Variants in JSRP1 observed in about 807,000 individuals in gnomAD.
The protein encoded by JSRP1 is 2310032K21Rik.
A neutral mutation model predicts 21.4 loss-of-function variants in JSRP1; 29 were observed. The ratio of observed to expected loss-of-function variants is 1.36; its 90% CI spans 1.01 to 1.85. JSRP1 has a LOEUF of 1.85. Among genes scored for constraint, JSRP1 ranks in the 40% most tolerant of loss-of-function variants. The pLI, the probability that JSRP1 is intolerant of heterozygous loss-of-function variation, is 0.00. For synonymous variants in JSRP1, 221 were observed against 206.1 expected (o/e 1.07, Z -0.62); for missense variants, 531 against 461.5 (o/e 1.15, Z -1.38).
Position 2,253,874 on chromosome 19 carries a change from G to A in JSRP1, c.263-81C>T, listed in dbSNP as rs2025108045. On this transcript the variant is annotated intron_variant, in intron 4 of 6. Transcript: ENST00000300961. Reference sequence around the variant, plus strand: ...CCCGGGCGCAGGGGACAAGAGACAGGCCTGTGCCCTGAACCCGGCTCTCTC... The same window carrying A: ...CCCGGGCGCAGGGGACAAGAGACAGACCTGTGCCCTGAACCCGGCTCTCTC... The A allele has an allele frequency of 4.5e-6, 6 of 1,320,426 alleles. No individual in the cohort carries two copies. The African/African-American group carries it at 6.3e-5, about 14-fold the overall frequency. 81.8% of individuals were successfully genotyped at this position (1,320,426 alleles called of 1,614,324 possible).
intron 4 of JSRP1, 48 bp downstream of exon 4, chr19:2,254,139 C>G (rs373713111): frequency 2.1e-5 from 30 of 1,411,580 alleles, no homozygotes; most frequent in Non-Finnish European, 2.9e-5. Flanking sequence ...GAGCCTCACA[C>G]CAGTCCGTTC....
chr19:2,254,542 C>A, intron 2 of JSRP1, 60 bp from the exon 3 acceptor site: 1 of 1,594,206 alleles, frequency 6.3e-7, no homozygotes, highest in Non-Finnish European at 8.6e-7. Flanking sequence ...CCACCCTCTC[C>A]CCTGGCCCTG....
chr19:2,254,136 A>T, intron 4 of JSRP1, 51 bp downstream of exon 4: 1 of 1,385,784 alleles, frequency 7.2e-7, no homozygotes, highest in Non-Finnish European at 9.9e-7. Flanking sequence ...CCTGAGCCTC[A>T]CACCAGTCCG....
At position 2,252,803 on chromosome 19, in the gene JSRP1, G is replaced by T. The variant is rs1193791483; in HGVS notation, c.529-7C>A. The T allele has an allele frequency of 1.9e-6, 3 of 1,609,174 alleles. No individual in the cohort carries two copies. Among genetic ancestry groups the T allele is most frequent in the Admixed American group, 1.7e-5 (1 of 59,456 alleles). The stretch of plus-strand genomic sequence containing the variant: ...CCTGGGCCTCGAACTTAGGCTGCAA[G>T]ACAGAGTGGGGTCCTGGGGTAAGCG... On this transcript the variant is annotated splice_region_variant and splice_polypyrimidine_tract_variant and intron_variant, in intron 6 of 6. Transcript: ENST00000300961.
At chr19:2,254,516 G>A in intron 2 of JSRP1, 34 bp from the exon 3 acceptor site, 1 of 1,611,438 alleles carries the variant, frequency 6.2e-7, no homozygotes, top group Non-Finnish European at 8.5e-7. Context: ...AGGTTGTGGG[G>A]ACCCCCAGGC....
At position 2,252,402 on chromosome 19, in the gene JSRP1, G is replaced by A. The variant is rs1394411295; in HGVS notation, c.923C>T (p.Ser308Phe). Residue 308 changes from serine (S) to phenylalanine (F), a missense_variant, in exon 7 of 7, where the codon TCC becomes TTC. Transcript: ENST00000300961. ...CTGCTCCTCGTCGGGACGCCTCGGG[G>A]ACACCCAGGCCTGCTTCTTCCTGGG... ...AEPRKKQAWV[S>F]PRRPDEEQRP... is the part of the protein sequence containing the mutation. The A allele has an allele frequency of 1.2e-6, 2 of 1,603,474 alleles. No individual in the cohort carries two copies. The highest frequency in any genetic ancestry group is 4.5e-5 in the East Asian group (2 of 44,588).
At chr19:2,254,387 G>A in intron 3 of JSRP1, 58 bp downstream of exon 3, 2 of 1,608,790 alleles carry the variant, frequency 1.2e-6, no homozygotes, top group Non-Finnish European at 1.7e-6. Context: ...CCCTTGGTCG[G>A]CTTGTCCCCA....
chr19:2,255,334 C>A lies in JSRP1; in HGVS notation c.-20G>T. 6.4e-7 allele frequency: 1 copy of A among 1,559,592 alleles called. No individual in the cohort carries two copies. Among genetic ancestry groups the A allele is most frequent in the African/African-American group, 1.4e-5 (1 of 73,360 alleles). ...GGACATGGCTGGAGCAGCAGCAGGT[C>A]CCAGGCCAGGCTGGGAGGGGTGGGG... On this transcript the variant is annotated 5_prime_UTR_variant, in exon 2 of 7. Transcript: ENST00000300961.
Position 2,252,917 on chromosome 19 carries a change from G to A in JSRP1, c.523C>T (p.Pro175Ser), listed in dbSNP as rs761087462. Reference sequence around the variant, plus strand: ...CAGTGGAAGGAAGCTCTTACCAGGGGCGACGATGGCTCCCTCGGGGCTGAG... The same window carrying A: ...CAGTGGAAGGAAGCTCTTACCAGGGACGACGATGGCTCCCTCGGGGCTGAG... Reference protein sequence around the residue: ...PSSAPREPSSPLPKFEAQAPP... With the variant: ...PSSAPREPSSSLPKFEAQAPP... The change falls in exon 6 of 7, where the codon CCC (proline) becomes TCC (serine). Residue 175 changes from proline (P) to serine (S), a missense_variant. By Grantham distance (74) the Pro-to-Ser change is moderately conservative. Transcript: ENST00000300961. 8 of 1,609,520 alleles carry A rather than the reference G, an allele frequency of 5.0e-6. No homozygotes were observed. The highest frequency in any genetic ancestry group is 1.7e-4 in the Middle Eastern group (1 of 6,030).
chr19:2,254,379 C>T, intron 3 of JSRP1, 66 bp downstream of exon 3: 1 of 1,607,962 alleles, frequency 6.2e-7, no homozygotes. Flanking sequence ...ACCTGCCTCC[C>T]TTGGTCGGCT....
At position 2,252,300 on chromosome 19, in the gene JSRP1, G is replaced by A; in HGVS notation, c.*29C>T. 3.5e-6 allele frequency: 5 copies of A among 1,431,136 alleles called. No individual in the cohort carries two copies. Among genetic ancestry groups the A allele is most frequent in the Non-Finnish European group, 4.6e-6 (5 of 1,093,564 alleles). 88.7% of individuals were successfully genotyped at this position (1,431,136 alleles called of 1,614,324 possible). A position where few individuals can be genotyped will look rare whatever the true frequency, so the allele number is the denominator to read the frequency against. On this transcript the variant is annotated 3_prime_UTR_variant, in exon 7 of 7. Transcript: ENST00000300961. ...GCCAGAGTCGCGGGGCGTCCAGAAG[G>A]GGCCCCTGGACTCCGGCGCGGGGCC...
rs780016858 is a variant in JSRP1 at position 2,255,205 on chromosome 19, C to T, written c.109+1G>A. ...TCCTCCCGCCAGCGCCACAAGGGTA[C>T]CTGAAGCCCTGTCCTCCTGGGTCTC... On this transcript the variant is annotated splice_donor_variant, in intron 2 of 6. Coordinates refer to ENST00000300961, the MANE Select transcript of JSRP1 (RefSeq NM_144616.4). LOFTEE classifies it high-confidence loss of function. 4.4e-6 allele frequency: 7 copies of T among 1,588,458 alleles called. No homozygotes were observed. The highest frequency in any genetic ancestry group is 6.0e-6 in the Non-Finnish European group (7 of 1,162,924).
intron 6 of JSRP1, 47 bp from the exon 7 acceptor site, chr19:2,252,843 G>T: frequency 6.3e-7 from 1 of 1,595,166 alleles, no homozygotes; most frequent in Non-Finnish European, 8.6e-7. Flanking sequence ...CCTTCCCCCC[G>T]GCCCGGGCTC....
At chr19:2,253,915 C>T in intron 4 of JSRP1, 122 bp from the exon 5 acceptor site, 1 of 1,181,014 alleles carries the variant, frequency 8.5e-7, no homozygotes, top group Admixed American at 3.7e-5. Flanking sequence ...GCCTGTGCGG[C>T]CCCGGGCGCA....
At chr19:2,253,887 A>G (rs917183220) in intron 4 of JSRP1, 94 bp from the exon 5 acceptor site, 3 of 1,295,978 alleles carry the variant, frequency 2.3e-6, no homozygotes, top group Admixed American at 3.7e-5. Flanking sequence ...TGTGCCCTGA[A>G]CCCGGCTCTC....
chr19:2,254,459 C>G lies in JSRP1; in HGVS notation c.133G>C (p.Gly45Arg), dbSNP rs35121757. Residue 45 changes from glycine (G) to arginine (R), a missense_variant, in exon 3 of 7, where the codon GGC (glycine) becomes CGC (arginine). Gly to Arg is a moderately radical substitution (Grantham distance 125). Transcript: ENST00000300961. ...ASATPRLADS[G>R]SVPHDSQVAE... is the part of the protein sequence containing the mutation. Reference sequence around the variant, plus strand: ...CAGCTACTCACGTGGGGCACGCTGCCGGAGTCGGCCAGCCTGGGTGTCGCT... The same window carrying G: ...CAGCTACTCACGTGGGGCACGCTGCGGGAGTCGGCCAGCCTGGGTGTCGCT... 2.5e-6 allele frequency: 4 copies of G among 1,612,802 alleles called. No homozygotes were observed. Among genetic ancestry groups the G allele is most frequent in the Non-Finnish European group, 3.4e-6 (4 of 1,179,948 alleles).
rs1476687736 is a variant in JSRP1, at chr19:2,253,087, C to T, written c.437-84G>A. On this transcript the variant is annotated intron_variant, in intron 5 of 6. Transcript: ENST00000300961. ...ATCCCTCCCTCACCCCTAGAGCCCC[C>T]CTCCCTGGACAGTTGGAGTGGGGCT... is the stretch of plus-strand genomic sequence containing the variant. 5.2e-6 allele frequency: 5 copies of T among 956,830 alleles called. No individual in the cohort carries two copies. In the Admixed American group the frequency reaches 1.2e-4, roughly 22 times the overall value. 59.3% of individuals were successfully genotyped at this position (956,830 alleles called of 1,614,324 possible).
chr19:2,253,600 T>G lies in JSRP1; in HGVS notation c.436+20A>C. The stretch of plus-strand genomic sequence containing the variant: ...AGGTGGACCCCAGCCTCGCCCCACC[T>G]CTGGGGAGCCTGCGCTCACCGCGGC... On this transcript the variant is annotated intron_variant, in intron 5 of 6. Coordinates refer to ENST00000300961, the MANE Select transcript of JSRP1 (RefSeq NM_144616.4). The G allele has an allele frequency of 3.5e-6, 5 of 1,441,594 alleles. No homozygotes were observed. Among genetic ancestry groups the G allele is most frequent in the Non-Finnish European group, 4.5e-6 (5 of 1,103,480 alleles). The allele number at this position is 1,441,594 out of a possible 1,614,324, so 89.3% of individuals were successfully genotyped here.
intron 1 of JSRP1, among the ~76,000 whole-genome samples, chr19:2,256,076 G>T (rs915950138): frequency 6.6e-6 from 1 of 152,218 alleles, no homozygotes; most frequent in Admixed American, 6.5e-5. Flanking sequence ...CTTCAAGTCA[G>T]ACCCAAAGCT....
Sources: allele counts gnomAD v4.1 joint callset (sites outside exome capture counted in the v4.1 genomes callset), GRCh38; gene constraint gnomAD v4.1.1; transcripts MANE v1.5; gene names NCBI Gene and HGNC (gene_info 2026-07-23, HGNC 2026-07-21).